Variants in HEATR5A observed in about 807,000 individuals in gnomAD.
HEATR5A encodes HEAT repeat containing 5A, also known as HEAT repeat-containing protein 5A.
Under a neutral mutation model 218.8 loss-of-function variants are expected in HEATR5A, and 178 were observed. The observed-to-expected ratio is 0.81, with a 90% CI of 0.72 to 0.92. The LOEUF (loss-of-function observed/expected upper bound fraction) is 0.92, where lower values mean the gene tolerates loss of function less well. Ranked by LOEUF, HEATR5A falls within the 40% of genes least tolerant of loss-of-function variation. The probability of loss-of-function intolerance (pLI) is 0.00; values close to 1 mark genes in which losing one functional copy is unlikely to be tolerated. For missense variants in HEATR5A, 2,420 were observed against 2,418.9 expected (o/e 1.00, Z -0.01); for synonymous variants, 864 against 871.6 (o/e 0.99, Z 0.15).
intron 22 of HEATR5A, chr14:31,334,306 A>G (rs1324430042): frequency 2.5e-6 from 1 of 400,220 alleles, no homozygotes; most frequent in Non-Finnish European, 5.0e-6. Flanking sequence ...TTGATTTTCA[A>G]GTTGTCTTAT....
intron 12 of HEATR5A, among the ~76,000 whole-genome samples, chr14:31,372,675 A>G (rs1902081456): frequency 1.3e-5 from 2 of 152,080 alleles, no homozygotes; most frequent in South Asian, 4.1e-4. Context: ...TAAAAATACA[A>G]AATTAGCTGA....
At chr14:31,309,410 A>G (rs1043912684) in intron 28 of HEATR5A, among the ~76,000 whole-genome samples, 2 of 152,148 alleles carry the variant, frequency 1.3e-5, no homozygotes, top group Non-Finnish European at 2.9e-5. Flanking sequence ...ATATGTACTT[A>G]TTTGTGACTA....
At position 31,292,951 on chromosome 14, in the gene HEATR5A, T is replaced by TATC. The variant is rs1171451551; in HGVS notation, c.*351_*353dup. The stretch of plus-strand genomic sequence containing the variant: ...ATAATTTACACTAGAGTCATATTTA[T>TATC]ATCTGTCACAGTATTAAGTATACCA... On this transcript the variant is annotated 3_prime_UTR_variant, in exon 36 of 36. Transcript: ENST00000543095. 3 of 172,564 alleles carry TATC rather than the reference T, an allele frequency of 1.7e-5. No homozygotes were observed. Among genetic ancestry groups the TATC allele is most frequent in the African/African-American group, 7.1e-5 (3 of 42,098 alleles). The allele number at this position is 172,564 out of a possible 1,614,324, so 10.7% of individuals were successfully genotyped here. A position where few individuals can be genotyped will look rare whatever the true frequency, so the allele number is the denominator to read the frequency against.
chr14:31,343,689 G>A (rs920663977), intron 21 of HEATR5A, among the ~76,000 whole-genome samples: 3 of 152,052 alleles, frequency 2.0e-5, no homozygotes, highest in African/African-American at 7.2e-5. Context: ...TACAACAATG[G>A]GAGAAAAATT....
chr14:31,297,639 A>G (rs1001282789), intron 33 of HEATR5A: 3 of 152,114 alleles, frequency 2.0e-5, no homozygotes, highest in South Asian at 4.1e-4. Context: ...AATAGGATTT[A>G]TTTTATAAAA....
Position 31,336,258 on chromosome 14 carries a change from A to G in HEATR5A, c.3367+1218T>C, listed in dbSNP as rs1338200154. ...TATATATATATATATATATATATATATATATAATTTTTAAAAATAGAGATG... is the reference window on the plus strand; with the variant it reads ...TATATATATATATATATATATATATGTATATAATTTTTAAAAATAGAGATG... On this transcript the variant is annotated intron_variant, in intron 22 of 35. Coordinates refer to ENST00000543095, the MANE Select transcript of HEATR5A (RefSeq NM_015473.4). Among the ~76,000 whole-genome samples, 3 of 113,378 alleles carry G rather than the reference A, an allele frequency of 2.6e-5. No individual in the cohort carries two copies. In the Admixed American group the frequency reaches 3.0e-4, roughly 11 times the overall value. 74.4% of individuals were successfully genotyped at this position (113,378 alleles called of 152,430 possible).
intron 20 of HEATR5A, 53 bp downstream of exon 20, chr14:31,345,034 C>A: frequency 6.8e-7 from 1 of 1,476,154 alleles, no homozygotes; most frequent in South Asian, 1.2e-5. Flanking sequence ...ACTGAATTCA[C>A]TTTTATGTGT....
rs759362226 is a variant in HEATR5A at position 31,302,478 on chromosome 14, C to T, written c.5281G>A (p.Gly1761Arg). The part of the protein sequence containing the change: ...ILPTILYLTI[G>R]VLRETAVKLP... ...TTCACAGCAGTCTCTCTGAGGACCC[C>T]GATTGTGAGGTACAATATAGTAGGG... The change falls in exon 33 of 36, where the codon GGG (glycine) becomes AGG (arginine). Residue 1761 changes from glycine to arginine, a missense_variant. Gly to Arg is a moderately radical substitution (Grantham distance 125). Transcript: ENST00000543095. The T allele has an allele frequency of 3.1e-6, 5 of 1,590,584 alleles. No homozygotes were observed. Among genetic ancestry groups the T allele is most frequent in the East Asian group, 2.3e-5 (1 of 44,014 alleles).
intron 7 of HEATR5A, among the ~76,000 whole-genome samples, chr14:31,388,281 G>T (rs1236098349): frequency 2.6e-5 from 4 of 152,054 alleles, no homozygotes; most frequent in Non-Finnish European, 5.9e-5. Context: ...ATACAAGTTT[G>T]CTTTGAATGA....
In HEATR5A at chr14:31,358,633, T is replaced by A; in HGVS notation, c.2411+4A>T. 1 of 1,611,714 alleles carries A rather than the reference T, an allele frequency of 6.2e-7. No homozygotes were observed. The highest frequency in any genetic ancestry group is 1.1e-5 in the South Asian group (1 of 90,708). ...CCATTCACTGAACCATTGAAGATAT[T>A]TACCTTTGAGTTTCTCCCACATGAG... On this transcript the variant is annotated splice_donor_region_variant and intron_variant, in intron 16 of 35. Coordinates refer to ENST00000543095, the MANE Select transcript of HEATR5A (RefSeq NM_015473.4).
Position 31,379,421 on chromosome 14 carries a change from T to C in HEATR5A, c.1708+1046A>G, listed in dbSNP as rs536312649. ...ATGCACCACCATGCCCGGCTAATTT[T>C]TGTATTTTAGTAGAGATGGGGTTTC... On this transcript the variant is annotated intron_variant, in intron 11 of 35. Coordinates refer to ENST00000543095, the MANE Select transcript of HEATR5A (RefSeq NM_015473.4). Among the ~76,000 whole-genome samples the C allele has an allele frequency of 2.8e-4, 43 of 151,720 alleles. 1 individual carries two copies. The South Asian group carries it at 8.3e-3, about 29-fold the overall frequency.
intron 13 of HEATR5A, among the ~76,000 whole-genome samples, chr14:31,369,347 T>C (rs1051691865): frequency 4.0e-5 from 6 of 151,038 alleles, no homozygotes; most frequent in Admixed American, 2.6e-4. Context: ...GCGTGATGGC[T>C]CATGCTTGTA....
In HEATR5A at chr14:31,326,211, G is replaced by A. The variant is rs776247008; in HGVS notation, c.3499C>T (p.Leu1167Phe). Residue 1167 changes from leucine to phenylalanine, a missense_variant, in exon 23 of 36, where the codon CTC (leucine) becomes TTC (phenylalanine). Transcript: ENST00000543095. Reference sequence around the variant, plus strand: ...TTACAAAGCTTTAACCACAGGGAGAGTTTTTCCACTGCCATAGATGTAAGC... The same window carrying A: ...TTACAAAGCTTTAACCACAGGGAGAATTTTTCCACTGCCATAGATGTAAGC... ...YMLTSMAVEK[L>F]SLWLKLCKDV... is the part of the protein sequence containing the mutation. 6.2e-7 allele frequency: 1 copy of A among 1,613,360 alleles called. No homozygotes were observed.
At position 31,380,623 on chromosome 14, in the gene HEATR5A, T is replaced by C. The variant is rs775782186; in HGVS notation, c.1597-45A>G. ...GTTTTAAAAAAAGCATATCAGTTTA[T>C]AAATTACTAAATGATAGCAGCTAAC... On this transcript the variant is annotated intron_variant, in intron 10 of 35. Coordinates refer to ENST00000543095, the MANE Select transcript of HEATR5A (RefSeq NM_015473.4). The C allele has an allele frequency of 9.4e-6, 11 of 1,167,576 alleles. 1 individual carries two copies. The South Asian group carries it at 1.4e-4, about 15-fold the overall frequency. The allele number at this position is 1,167,576 out of a possible 1,614,324, so 72.3% of individuals were successfully genotyped here. A position where few individuals can be genotyped will look rare whatever the true frequency, so the allele number is the denominator to read the frequency against.
chr14:31,404,012 C>T (rs942699062), intron 1 of HEATR5A, among the ~76,000 whole-genome samples: 2 of 152,012 alleles, frequency 1.3e-5, no homozygotes, highest in African/African-American at 2.4e-5. Context: ...TGTTAACAGC[C>T]GAATACAGGT....
chr14:31,320,495 A>T, intron 25 of HEATR5A: 1 of 1,334,642 alleles, frequency 7.5e-7, no homozygotes, highest in Non-Finnish European at 1.1e-6. Context: ...GGCCACCTGG[A>T]GTGGGGAGCT....
intron 18 of HEATR5A, among the ~76,000 whole-genome samples, chr14:31,348,582 C>A (rs779095400): frequency 6.6e-6 from 1 of 151,984 alleles, no homozygotes; most frequent in Admixed American, 6.6e-5. Context: ...GACGTTGTAT[C>A]GAAAATAAAT....
At chr14:31,415,941 GTTTT>G (rs879494221) in intron 1 of HEATR5A, among the ~76,000 whole-genome samples, 1 of 146,164 alleles carries the variant, frequency 6.8e-6, no homozygotes. Context: ...CATACTATGG[GTTTT>G]TTTTTTTCCT....
chr14:31,397,345 A>T (rs1054682172), intron 4 of HEATR5A, among the ~76,000 whole-genome samples: 6 of 151,522 alleles, frequency 4.0e-5, no homozygotes, highest in African/African-American at 9.7e-5. Flanking sequence ...TTTTTTTTTT[A>T]AATAAATATT....
Sources: allele counts gnomAD v4.1 joint callset (sites outside exome capture counted in the v4.1 genomes callset), GRCh38; gene constraint gnomAD v4.1.1; transcripts MANE v1.5; gene names NCBI Gene and HGNC (gene_info 2026-07-23, HGNC 2026-07-21).